HMGB1: variants seen among roughly 807,000 people sequenced by gnomAD.
The protein encoded by HMGB1 is high mobility group box 1.
For missense variants in HMGB1, 79 were observed against 253.5 expected (o/e 0.31, Z 4.67); for synonymous variants, 81 against 84.0 (o/e 0.96, Z 0.19).
intron 1 of HMGB1, among the ~76,000 whole-genome samples, chr13:30,497,445 GT>G (rs386378693): frequency 1.4e-4 from 20 of 147,750 alleles, no homozygotes; most frequent in African/African-American, 4.5e-4. Flanking sequence ...TGGCCAGGCT[GT>G]TTTTTTTTTT....
Position 30,538,676 on chromosome 13 carries a change from CTTT to C in HMGB1, c.-14-74985_-14-74983del, listed in dbSNP as rs1288576890. Among the ~76,000 whole-genome samples, 89 of 17,264 alleles carry C rather than the reference CTTT, an allele frequency of 5.2e-3. 9 individuals carry two copies. The highest frequency in any genetic ancestry group is 0.011 in the African/African-American group (62 of 5,788). 11.3% of individuals were successfully genotyped at this position (17,264 alleles called of 152,430 possible). A position where few individuals can be genotyped will look rare whatever the true frequency, so the allele number is the denominator to read the frequency against. On this transcript the variant is annotated intron_variant, in intron 1 of 4. Coordinates refer to the HMGB1 transcript ENST00000405805. ...CTTTCTTTCTTTCCTTTCTTTCTTT[CTTT>C]CTTTCCTTTCTTTCTTTCTTTCTTT...
chr13:30,535,442 T>C (rs1868384385), intron 1 of HMGB1, among the ~76,000 whole-genome samples: 1 of 152,238 alleles, frequency 6.6e-6, no homozygotes, highest in Admixed American at 6.5e-5. Flanking sequence ...TTGATACTAG[T>C]AACTCACAAA....
chr13:30,600,179 T>C (rs979433164), intron 1 of HMGB1, among the ~76,000 whole-genome samples: 1 of 152,244 alleles, frequency 6.6e-6, no homozygotes, highest in African/African-American at 2.4e-5. Flanking sequence ...TATTCTTTCA[T>C]TGGCAATTTA....
At chr13:30,565,279 C>A (rs1387208085) in intron 1 of HMGB1, among the ~76,000 whole-genome samples, 2 of 152,150 alleles carry the variant, frequency 1.3e-5, no homozygotes, top group Non-Finnish European at 2.9e-5. Flanking sequence ...TTACAAACAA[C>A]CCACACATCT....
intron 1 of HMGB1, among the ~76,000 whole-genome samples, chr13:30,547,542 T>G (rs946639574): frequency 6.6e-6 from 1 of 152,118 alleles, no homozygotes; most frequent in Non-Finnish European, 1.5e-5. Flanking sequence ...TACAAACCAC[T>G]GAGTTTGGGG....
At chr13:30,541,023 T>C (rs1467553093) in intron 1 of HMGB1, 1 of 152,180 alleles carries the variant, frequency 6.6e-6, no homozygotes, top group Admixed American at 6.5e-5. Context: ...TATTTCTTGA[T>C]ACAAACACAT....
At chr13:30,519,623 C>T (rs868009886) in intron 1 of HMGB1, among the ~76,000 whole-genome samples, 2 of 151,858 alleles carry the variant, frequency 1.3e-5, no homozygotes, top group African/African-American at 4.8e-5. Flanking sequence ...TGGCGTGAAC[C>T]CAGGAGACGG....
At chr13:30,572,385 T>TG (rs1240171436) in intron 1 of HMGB1, among the ~76,000 whole-genome samples, 2 of 152,252 alleles carry the variant, frequency 1.3e-5, no homozygotes, top group African/African-American at 4.8e-5. Flanking sequence ...GTCTTCATTT[T>TG]GTTGATAGAA....
At chr13:30,611,809 C>CTGTA (rs887807865) in intron 1 of HMGB1, among the ~76,000 whole-genome samples, 8 of 150,390 alleles carry the variant, frequency 5.3e-5, no homozygotes, top group African/African-American at 2.0e-4. Context: ...GGCTGTTCAT[C>CTGTA]TGTACCCTTT....
chr13:30,582,404 C>T (rs368964150), intron 1 of HMGB1, among the ~76,000 whole-genome samples: 14 of 151,910 alleles, frequency 9.2e-5, no homozygotes, highest in African/African-American at 3.4e-4. Flanking sequence ...TTTGGGAGTC[C>T]GAGGCGGGCA....
intron 1 of HMGB1, among the ~76,000 whole-genome samples, chr13:30,528,147 C>A (rs1056728908): frequency 6.6e-6 from 1 of 152,186 alleles, no homozygotes; most frequent in Non-Finnish European, 1.5e-5. Flanking sequence ...CCAGGCAACC[C>A]GTCTCCTGGG....
In HMGB1 at chr13:30,462,562, C is replaced by T. The variant is rs753022161; in HGVS notation, c.447G>A (p.Ala149=). The change falls in exon 4 of 5, where the codon GCG becomes GCA. Residue 149 remains alanine (A), a synonymous_variant. Coordinates refer to ENST00000341423, the MANE Select transcript of HMGB1 (RefSeq NM_002128.7). ...DDKQPYEKKA[A]KLKEKYEKDI... Reference sequence around the variant, plus strand: ...CCTTTTCATATTTTTCCTTCAGCTTCGCAGCCTTCTTTTCATAAGGCTGCT... The same window carrying T: ...CCTTTTCATATTTTTCCTTCAGCTTTGCAGCCTTCTTTTCATAAGGCTGCT... 14 of 1,612,470 alleles carry T rather than the reference C, an allele frequency of 8.7e-6. No homozygotes were observed. In the South Asian group the frequency reaches 1.3e-4, roughly 15 times the overall value.
At chr13:30,468,294 T>G (rs1886844706), upstream of HMGB1, among the ~76,000 whole-genome samples, 2 of 152,224 alleles carry the variant, frequency 1.3e-5, no homozygotes, top group Non-Finnish European at 2.9e-5. Flanking sequence ...TTGCTCTTAC[T>G]GCCCAGGCTG....
intron 1 of HMGB1, among the ~76,000 whole-genome samples, chr13:30,544,310 A>G (rs1044272999): frequency 6.6e-6 from 1 of 152,178 alleles, no homozygotes; most frequent in Non-Finnish European, 1.5e-5. Flanking sequence ...GGCCAGACCA[A>G]TAAGGGTATC....
chr13:30,559,331 A>G lies in HMGB1; in HGVS notation c.-15+57340T>C, dbSNP rs1869840008. Among the ~76,000 whole-genome samples, 1 of 152,138 alleles carries G rather than the reference A, an allele frequency of 6.6e-6. No individual in the cohort carries two copies. Among genetic ancestry groups the G allele is most frequent in the Admixed American group, 6.5e-5 (1 of 15,270 alleles). The stretch of plus-strand genomic sequence containing the variant: ...CTCACCATTGACAATGGTCATTTAC[A>G]AGACCATGGCTTATTTTACAGGGTG... On this transcript the variant is annotated intron_variant, in intron 1 of 4. Transcript: ENST00000405805. This position sits in a 1 kb window ranked among gnomAD's most constrained non-coding sequence, Gnocchi z 6.6.
chr13:30,459,871 AGTTT>A lies in HMGB1; in HGVS notation c.*1482_*1485del, dbSNP rs1478046870. Reference sequence around the variant, plus strand: ...AGTATTTAAAACCTCTGCAATTATTAGTTTATTAGTATCATCCAGGACTCAGATG... The same window carrying A: ...AGTATTTAAAACCTCTGCAATTATTAATTAGTATCATCCAGGACTCAGATG... On this transcript the variant is annotated 3_prime_UTR_variant, in exon 5 of 5. Coordinates refer to ENST00000341423, the MANE Select transcript of HMGB1 (RefSeq NM_002128.7). The A allele has an allele frequency of 1.3e-5, 2 of 152,618 alleles. 1 individual carries two copies. The allele number at this position is 152,618 out of a possible 1,614,324, so 9.5% of individuals were successfully genotyped here.
In HMGB1 at chr13:30,554,804, A is replaced by G; in HGVS notation, c.-15+61867T>C. On this transcript the variant is annotated intron_variant, in intron 1 of 4. Transcript: ENST00000405805. Reference sequence around the variant, plus strand: ...AGAACGAACAAAAAAGAAAAAGGCCAAGATAGACACCTAATATTCATGACT... The same window carrying G: ...AGAACGAACAAAAAAGAAAAAGGCCGAGATAGACACCTAATATTCATGACT... 7.9e-6 allele frequency: 6 copies of G among 764,052 alleles called. No individual in the cohort carries two copies. In the South Asian group the frequency reaches 8.1e-5, roughly 10 times the overall value. 47.3% of individuals were successfully genotyped at this position (764,052 alleles called of 1,614,324 possible).
At chr13:30,582,044 G>C (rs973756677) in intron 1 of HMGB1, among the ~76,000 whole-genome samples, 4 of 152,138 alleles carry the variant, frequency 2.6e-5, no homozygotes, top group African/African-American at 9.7e-5. Context: ...GAACAAATGG[G>C]CACTAAAAGT....
intron 1 of HMGB1, among the ~76,000 whole-genome samples, chr13:30,503,932 C>T (rs544811290): frequency 3.3e-5 from 5 of 151,774 alleles, no homozygotes; most frequent in Non-Finnish European, 5.9e-5. Flanking sequence ...GACCCTGCCT[C>T]CAAAATAAAG....
Sources: gnomAD v4.1 joint callset for allele counts (sites outside exome capture counted in the v4.1 genomes callset) on GRCh38, gnomAD v4.1.1 for gene constraint, Gnocchi (gnomAD v3.1) non-coding constraint, MANE v1.5 for transcripts, NCBI Gene and HGNC (gene_info 2026-07-23, HGNC 2026-07-21) for gene names.